Variants in ATP13A2 observed in about 807,000 individuals in gnomAD.
ATP13A2 encodes polyamine-transporting ATPase 13A2.
Under a neutral mutation model 138.3 loss-of-function variants are expected in ATP13A2, and 83 were observed. That is an observed-to-expected ratio of 0.60 (90% CI 0.50 to 0.72). The LOEUF is 0.72. ATP13A2 is among the 30% of genes least tolerant of loss of function. The pLI, the probability that ATP13A2 is intolerant of heterozygous loss-of-function variation, is 0.00. For synonymous variants in ATP13A2, 663 were observed against 699.0 expected, an observed-to-expected ratio of 0.95 and a Z score of 0.81; for missense variants, 1,402 against 1,606.4, an observed-to-expected ratio of 0.87 and a Z score of 2.17.
Position 16,993,894 on chromosome 1 carries a change from G to C in ATP13A2, c.1543-59C>G, listed in dbSNP as rs2077024236. On this transcript the variant is annotated intron_variant, in intron 15 of 28. Coordinates refer to ENST00000326735, the MANE Select transcript of ATP13A2 (RefSeq NM_022089.4). ...TCCTGGGATGGGGGTACCCTGCTGA[G>C]CTGGGCCTCCAAACCCCAGGCCCGG... 5.6e-6 allele frequency: 8 copies of C among 1,420,718 alleles called. No homozygotes were observed. In the Admixed American group the frequency reaches 2.1e-4, roughly 37 times the overall value. 88.0% of individuals were successfully genotyped at this position (1,420,718 alleles called of 1,614,324 possible).
At chr1:16,990,998 G>A (rs1162321603) in intron 20 of ATP13A2, among the ~76,000 whole-genome samples, 2 of 151,642 alleles carry the variant, frequency 1.3e-5, no homozygotes, top group African/African-American at 4.9e-5. Context: ...TGCCCAGGCT[G>A]GAGTGAAATG....
Position 16,986,298 on chromosome 1 carries a change from T to C in ATP13A2, c.3466A>G (p.Lys1156Glu), listed in dbSNP as rs776147612. Residue 1156 changes from lysine (K) to glutamate (E), a missense_variant, in exon 29 of 29, where the codon AAG becomes GAG. Physicochemically the swap from Lys to Glu is moderately conservative, Grantham distance 56. Transcript: ENST00000326735. This position sits in a 1 kb window ranked among gnomAD's most constrained non-coding sequence, Gnocchi z 6.9. Reference sequence around the variant, plus strand: ...CGTTCCAGCTGCTTGAAGCGCTTCTTGGAGGCCCGCTTGGGCCGGAGGCGG... The same window carrying C: ...CGTTCCAGCTGCTTGAAGCGCTTCTCGGAGGCCCGCTTGGGCCGGAGGCGG... ...LRRLRPKRAS[K>E]KRFKQLEREL... 1.9e-6 allele frequency: 3 copies of C among 1,599,100 alleles called. No homozygotes were observed. The highest frequency in any genetic ancestry group is 2.6e-6 in the Non-Finnish European group (3 of 1,174,090).
At position 16,996,477 on chromosome 1, in the gene ATP13A2, C is replaced by A. The variant is rs763507619; in HGVS notation, c.1215G>T (p.Gly405=). 8 of 1,614,002 alleles carry A rather than the reference C, an allele frequency of 5.0e-6. No homozygotes were observed. Among genetic ancestry groups the A allele is most frequent in the South Asian group, 1.1e-5 (1 of 91,078 alleles). Residue 405 remains glycine (G), a synonymous_variant, in exon 13 of 29, where the codon GGG becomes GGT. Coordinates refer to ENST00000326735, the MANE Select transcript of ATP13A2 (RefSeq NM_022089.4). ...VTRTGFCTAK[G]GLVSSILHPR... Reference sequence around the variant, plus strand: ...GGTGCAAGATGGAGCTCACCAGGCCCCCTTTTGCCGTGCAGAACCCTGGGG... The same window carrying A: ...GGTGCAAGATGGAGCTCACCAGGCCACCTTTTGCCGTGCAGAACCCTGGGG...
chr1:17,004,994 G>C lies in ATP13A2; in HGVS notation c.347+20C>G. ...CAGGGTAGCAGGGGCTTCTGGGAAG[G>C]GGCAATGGGGCTGCCTCACCTGCCC... On this transcript the variant is annotated intron_variant, in intron 4 of 28. Transcript: ENST00000326735. The surrounding 1 kb of genome is among the most constrained non-coding windows in gnomAD (Gnocchi z 4.1). The C allele has an allele frequency of 2.5e-6, 4 of 1,613,572 alleles. No homozygotes were observed. The highest frequency in any genetic ancestry group is 3.4e-6 in the Non-Finnish European group (4 of 1,179,970).
chr1:16,987,555 C>T (rs930580370), intron 25 of ATP13A2, among the ~76,000 whole-genome samples: 8 of 152,210 alleles, frequency 5.3e-5, no homozygotes, highest in South Asian at 4.1e-4. Flanking sequence ...GGGGAGGCTT[C>T]GGCTCTGCCT....
At chr1:17,008,714 C>A (rs971183998) in intron 1 of ATP13A2, among the ~76,000 whole-genome samples, 1 of 151,994 alleles carries the variant, frequency 6.6e-6, no homozygotes, top group Admixed American at 6.6e-5. Context: ...CCTTTGGGAG[C>A]CCAAGGGGGG....
intron 16 of ATP13A2, among the ~76,000 whole-genome samples, chr1:16,993,198 T>C (rs1156627217): frequency 6.6e-6 from 1 of 152,058 alleles, no homozygotes; most frequent in Non-Finnish European, 1.5e-5. Flanking sequence ...ATTACAGGCA[T>C]GAGTCACTGC....
chr1:17,009,246 C>A (rs1181629029), intron 1 of ATP13A2, among the ~76,000 whole-genome samples: 2 of 152,186 alleles, frequency 1.3e-5, no homozygotes, highest in Admixed American at 1.3e-4. Context: ...GCCCTTACTG[C>A]TCACAGTACC....
rs375324126 is a variant in ATP13A2 at position 16,990,290 on chromosome 1, G to A, written c.2252-3C>T. 3 of 1,613,876 alleles carry A rather than the reference G, an allele frequency of 1.9e-6. No individual in the cohort carries two copies. The highest frequency in any genetic ancestry group is 1.7e-5 in the Admixed American group (1 of 59,998). Reference sequence around the variant, plus strand: ...CACCGCTGTCTGCAGGTTGTCCCCTGGGGGTTATGGGGCAAGGTGAGGGTC... The same window carrying A: ...CACCGCTGTCTGCAGGTTGTCCCCTAGGGGTTATGGGGCAAGGTGAGGGTC... On this transcript the variant is annotated splice_polypyrimidine_tract_variant and splice_region_variant and intron_variant, in intron 20 of 28. Transcript: ENST00000326735.
chr1:17,010,745 C>G (rs1255295069), intron 1 of ATP13A2, among the ~76,000 whole-genome samples: 1 of 152,166 alleles, frequency 6.6e-6, no homozygotes. Context: ...CGTCTGAGGT[C>G]ACAGCTCGGG....
At position 16,996,024 on chromosome 1, in the gene ATP13A2, T is replaced by G; in HGVS notation, c.1494A>C (p.Pro498=). The G allele has an allele frequency of 6.2e-7, 1 of 1,614,046 alleles. No homozygotes were observed. Among genetic ancestry groups the G allele is most frequent in the Non-Finnish European group, 8.5e-7 (1 of 1,180,032 alleles). The part of the protein sequence containing the change: ...LRRQGIFCIH[P]LRINLGGKLQ... ...GCTTGCCCCCCAGGTTGATGCGCAG[T>G]GGGTGGATGCAGAAAATGCCCTGTC... Residue 498 remains proline, a synonymous_variant, in exon 15 of 29, where the codon CCA becomes CCC. Transcript: ENST00000326735.
chr1:16,996,553 C>A, intron 12 of ATP13A2, 57 bp from the exon 13 acceptor site: 1 of 1,373,032 alleles, frequency 7.3e-7, no homozygotes, highest in Non-Finnish European at 1.0e-6. Context: ...CAGGCCTTCC[C>A]CACCCCTAGC....
In ATP13A2 at chr1:17,005,798, A is replaced by T. The variant is rs1444143641; in HGVS notation, c.11-20T>A. ...TGCTGTCTGTGGACAGAAAAGAGAA[A>T]GGTCATTTGGGGAGGCACCTTCTCC... is the stretch of plus-strand genomic sequence containing the variant. On this transcript the variant is annotated intron_variant, in intron 1 of 28. Transcript: ENST00000326735. 1 of 1,594,474 alleles carries T rather than the reference A, an allele frequency of 6.3e-7. No individual in the cohort carries two copies. Among genetic ancestry groups the T allele is most frequent in the Non-Finnish European group, 8.5e-7 (1 of 1,169,888 alleles).
At chr1:16,989,242 C>T (rs1160618169) in intron 23 of ATP13A2, among the ~76,000 whole-genome samples, 2 of 152,092 alleles carry the variant, frequency 1.3e-5, no homozygotes, top group African/African-American at 4.8e-5. Flanking sequence ...GACGGAGTCT[C>T]GCTCTGTTGC....
In ATP13A2 at chr1:16,987,394, G is replaced by C; in HGVS notation, c.2860-125C>G. The C allele has an allele frequency of 1.3e-5, 12 of 930,566 alleles. No individual in the cohort carries two copies. In the South Asian group the frequency reaches 1.5e-4, roughly 12 times the overall value. The allele number at this position is 930,566 out of a possible 1,614,324, so 57.6% of individuals were successfully genotyped here. A position where few individuals can be genotyped will look rare whatever the true frequency, so the allele number is the denominator to read the frequency against. On this transcript the variant is annotated intron_variant, in intron 25 of 28. Transcript: ENST00000326735. ...TGGGTAAGGCATCCCCCAGTCTAATGGGGGCCGTACTCTCCTGCCAGCCCA... is the reference window on the plus strand; with the variant it reads ...TGGGTAAGGCATCCCCCAGTCTAATCGGGGCCGTACTCTCCTGCCAGCCCA...
rs1412128735 is a variant in ATP13A2 at position 17,010,326 on chromosome 1, C to T, written c.10+1403G>A. On this transcript the variant is annotated intron_variant, in intron 1 of 28. Transcript: ENST00000326735. ...CTCCTGACCTCAAGTAATCCGCCTG[C>T]CTCAGGCTCCCAAAGTGCTGGGATT... 3.3e-5 allele frequency among the ~76,000 whole-genome samples: 5 copies of T among 152,200 alleles called. No homozygotes were observed. In the East Asian group the frequency reaches 9.6e-4, roughly 29 times the overall value.
intron 8 of ATP13A2, 115 bp from the exon 9 acceptor site, chr1:17,000,649 A>C: frequency 1.5e-6 from 2 of 1,365,872 alleles, no homozygotes; most frequent in Non-Finnish European, 2.0e-6. Context: ...AAAGGACTGG[A>C]GCCAGGCCTT....
Position 16,996,091 on chromosome 1 carries a change from G to C in ATP13A2, c.1427C>G (p.Ala476Gly), listed in dbSNP as rs1184486452. 6.2e-7 allele frequency: 1 copy of C among 1,614,120 alleles called. No individual in the cohort carries two copies. The highest frequency in any genetic ancestry group is 8.5e-7 in the Non-Finnish European group (1 of 1,180,048). ...GGCGTAGAGCGTGCACACAGTCATG[G>C]CAGCAGGCAGGGCAGGTGGCACCAC... ...TVVVPPALPA[A>G]MTVCTLYAQS... is the part of the protein sequence containing the mutation. The change falls in exon 15 of 29, where the codon GCC becomes GGC. Residue 476 changes from alanine to glycine, a missense_variant. Transcript: ENST00000326735.
intron 1 of ATP13A2, among the ~76,000 whole-genome samples, chr1:17,010,028 G>T (rs1290690598): frequency 6.6e-6 from 1 of 152,002 alleles, no homozygotes; most frequent in Non-Finnish European, 1.5e-5. Context: ...CAGGCTGTGT[G>T]GGGGGGCGAG....
Sources: allele counts gnomAD v4.1 joint callset (sites outside exome capture counted in the v4.1 genomes callset), GRCh38; gene constraint gnomAD v4.1.1; non-coding constraint Gnocchi (gnomAD v3.1); transcripts MANE v1.5; gene names NCBI Gene and HGNC (gene_info 2026-07-23, HGNC 2026-07-21).